The following LRRC49 variants were observed in gnomAD, a reference collection of about 807,000 sequenced individuals.
LRRC49 encodes leucine-rich repeat-containing protein 49.
Under a neutral mutation model 83.3 loss-of-function variants are expected in LRRC49, and 50 were observed. The ratio of observed to expected loss-of-function variants is 0.60; its 90% CI spans 0.48 to 0.76. The LOEUF is 0.76. LRRC49 is among the 30% of genes least tolerant of loss of function. The pLI is 0.00. For missense variants in LRRC49, 704 were observed against 809.1 expected, an observed-to-expected ratio of 0.87 and a Z score of 1.58; for synonymous variants, 286 against 283.3, an observed-to-expected ratio of 1.01 and a Z score of -0.10.
intron 6 of LRRC49, among the ~76,000 whole-genome samples, chr15:70,916,101 A>G (rs969106394): frequency 6.6e-6 from 1 of 152,194 alleles, no homozygotes; most frequent in Non-Finnish European, 1.5e-5. Context: ...CATCAGGTTT[A>G]TGAAGTCCTC....
At chr15:70,900,894 TAAGTA>T (rs749903660) in intron 3 of LRRC49, 23 bp from the exon 4 acceptor site, 3 of 1,375,226 alleles carry the variant, frequency 2.2e-6, no homozygotes, top group Non-Finnish European at 1.0e-6. Flanking sequence ...TTTTCTTAAT[TAAGTA>T]ATTTGTATAT....
intron 8 of LRRC49, among the ~76,000 whole-genome samples, chr15:70,957,974 G>A (rs909070816): frequency 2.0e-5 from 3 of 152,092 alleles, no homozygotes; most frequent in Non-Finnish European, 4.4e-5. Context: ...CACATTTTAA[G>A]TGTAGAGTTC....
chr15:71,037,045 TAAATCATAA>T (rs2039541526), intron 14 of LRRC49, 125 bp from the exon 15 acceptor site: 15 of 561,190 alleles, frequency 2.7e-5, no homozygotes. Flanking sequence ...TGAACTCAAA[TAAATCATAA>T]ACTCAAACTC....
chr15:70,995,647 T>G (rs528045640), intron 11 of LRRC49, among the ~76,000 whole-genome samples: 16 of 152,322 alleles, frequency 1.1e-4, no homozygotes, highest in East Asian at 3.9e-4. Flanking sequence ...TAAATGACTC[T>G]TTTATCTGGC....
At chr15:71,003,764 A>G (rs2038351024) in intron 11 of LRRC49, among the ~76,000 whole-genome samples, 1 of 152,254 alleles carries the variant, frequency 6.6e-6, no homozygotes, top group Non-Finnish European at 1.5e-5. Context: ...GAATTGAATA[A>G]CTTGCCCCAG....
intron 8 of LRRC49, among the ~76,000 whole-genome samples, chr15:70,949,219 A>G (rs1567065685): frequency 6.6e-6 from 1 of 152,214 alleles, no homozygotes; most frequent in African/African-American, 2.4e-5. Flanking sequence ...TTCAGTTTAC[A>G]TACAACACAC....
chr15:71,024,625 G>T (rs557503285), intron 14 of LRRC49, among the ~76,000 whole-genome samples: 1 of 151,104 alleles, frequency 6.6e-6, no homozygotes, highest in African/African-American at 2.4e-5. Context: ...AAAGATCGAA[G>T]ATAAATTAAC....
chr15:70,878,396 CA>C (rs2033196784), intron 2 of LRRC49, among the ~76,000 whole-genome samples: 1 of 152,172 alleles, frequency 6.6e-6, no homozygotes. Context: ...TCCTTTTAAA[CA>C]TCTGTGCATT....
chr15:70,900,440 C>G (rs911269760), intron 3 of LRRC49: 1 of 455,964 alleles, frequency 2.2e-6, no homozygotes, highest in Non-Finnish European at 4.4e-6. Flanking sequence ...GCATCTCATC[C>G]ACAACAAATG....
chr15:70,853,947 G>C (rs1483009405), intron 1 of LRRC49: 6 of 1,446,614 alleles, frequency 4.1e-6, no homozygotes, highest in South Asian at 1.4e-5. Context: ...CTGAGGTACC[G>C]GGCCGGGTCC....
chr15:71,024,353 C>T (rs2141280710), intron 14 of LRRC49, among the ~76,000 whole-genome samples: 1 of 152,308 alleles, frequency 6.6e-6, no homozygotes, highest in South Asian at 2.1e-4. Flanking sequence ...CTGGAGCATT[C>T]CCACTGGCAT....
chr15:70,999,203 T>C (rs1337779494), intron 11 of LRRC49, among the ~76,000 whole-genome samples: 1 of 152,218 alleles, frequency 6.6e-6, no homozygotes, highest in Non-Finnish European at 1.5e-5. Flanking sequence ...GTTTTTCCTG[T>C]GAGTGGGTTA....
chr15:70,892,628 T>A, upstream of LRRC49: 1 of 1,449,612 alleles, frequency 6.9e-7, no homozygotes, highest in South Asian at 1.4e-5. Flanking sequence ...CAGCTTATCC[T>A]CCTCCCAATA....
intron 8 of LRRC49, among the ~76,000 whole-genome samples, chr15:70,951,242 C>G (rs938813334): frequency 1.3e-5 from 2 of 152,024 alleles, no homozygotes; most frequent in African/African-American, 4.8e-5. Context: ...GCTATTCTAG[C>G]TCTCTTTTGG....
rs188642430 is a variant in LRRC49 at position 71,048,323 on chromosome 15, G to T, written c.1858-1086G>T. Among the ~76,000 whole-genome samples the T allele has an allele frequency of 2.9e-3, 435 of 151,908 alleles. 1 individual carries two copies. Among genetic ancestry groups the T allele is most frequent in the Non-Finnish European group, 4.9e-3 (336 of 67,950 alleles). On this transcript the variant is annotated intron_variant, in intron 15 of 15. Coordinates refer to ENST00000260382, the MANE Select transcript of LRRC49 (RefSeq NM_017691.5). ...TTGCCCAGGCTGGTCTTGAGTTCTT[G>T]GCCTTAAGCGATCCTCCTGCCTTGG...
chr15:70,997,350 T>A (rs1394502048), intron 11 of LRRC49, among the ~76,000 whole-genome samples: 1 of 152,210 alleles, frequency 6.6e-6, no homozygotes, highest in Non-Finnish European at 1.5e-5. Context: ...GTAGCTACTC[T>A]GGCTCTCTTT....
At position 70,984,119 on chromosome 15, in the gene LRRC49, A is replaced by G. The variant is rs2037503650; in HGVS notation, c.1031A>G (p.Asn344Ser). 4 of 1,609,652 alleles carry G rather than the reference A, an allele frequency of 2.5e-6. No homozygotes were observed. The highest frequency in any genetic ancestry group is 3.4e-6 in the Non-Finnish European group (4 of 1,178,472). ...LKEKKRLTIN[N>S]VARQWDLQQQ... ...GAGAAGAAAAGGTTAACAATTAACAACGTAGCTCGACAGTGGGACTTGCAA... is the reference window on the plus strand; with the variant it reads ...GAGAAGAAAAGGTTAACAATTAACAGCGTAGCTCGACAGTGGGACTTGCAA... Residue 344 changes from asparagine (N) to serine (S), a missense_variant, in exon 11 of 16, where the codon AAC becomes AGC. Transcript: ENST00000260382.
At chr15:70,993,149 C>A (rs540096809) in intron 11 of LRRC49, among the ~76,000 whole-genome samples, 2 of 152,196 alleles carry the variant, frequency 1.3e-5, no homozygotes, top group Non-Finnish European at 2.9e-5. Context: ...TAGCAATGAG[C>A]GAGGCTCTGT....
At chr15:70,952,916 T>C (rs1215398498) in intron 8 of LRRC49, among the ~76,000 whole-genome samples, 1 of 152,214 alleles carries the variant, frequency 6.6e-6, no homozygotes, top group Non-Finnish European at 1.5e-5. Context: ...TTGATCATTG[T>C]TGGTTTAAAG....
Sources: allele counts gnomAD v4.1 joint callset (sites outside exome capture counted in the v4.1 genomes callset), GRCh38; gene constraint gnomAD v4.1.1; transcripts MANE v1.5; gene names NCBI Gene and HGNC (gene_info 2026-07-23, HGNC 2026-07-21).